BROX: variants seen among roughly 807,000 people sequenced by gnomAD.
BROX encodes the protein BRO1 domain-containing protein BROX.
In BROX, 53 loss-of-function variants were observed where a neutral mutation model predicts 61.0. That is an observed-to-expected ratio of 0.87 (90% CI 0.70 to 1.09). BROX has a LOEUF of 1.09. Ranked by LOEUF, BROX falls within the 50% of genes least tolerant of loss-of-function variation. The pLI is 0.00. For missense variants in BROX, 489 were observed against 472.0 expected (o/e 1.04, Z -0.33); for synonymous variants, 152 against 160.2 (o/e 0.95, Z 0.38).
chr1:222,730,512 T>C (rs1286528856), intron 11 of BROX, among the ~76,000 whole-genome samples: 1 of 152,088 alleles, frequency 6.6e-6, no homozygotes, highest in African/African-American at 2.4e-5. Flanking sequence ...GGGAGAATCA[T>C]CTGAAGCTGG....
intron 2 of BROX, among the ~76,000 whole-genome samples, chr1:222,718,627 T>C (rs929424408): frequency 1.3e-5 from 2 of 152,216 alleles, no homozygotes; most frequent in Admixed American, 6.5e-5. Flanking sequence ...ATTTTTATTA[T>C]GTAATTGAAT....
intron 10 of BROX, 96 bp downstream of exon 10, chr1:222,729,797 A>G (rs1657802663): frequency 3.2e-6 from 4 of 1,258,876 alleles, no homozygotes; most frequent in Non-Finnish European, 4.5e-6. Context: ...GGCTGAGTTC[A>G]TGAAAGGGAA....
intron 4 of BROX, among the ~76,000 whole-genome samples, chr1:222,721,717 AG>A (rs926701208): frequency 3.3e-5 from 5 of 152,202 alleles, no homozygotes; most frequent in African/African-American, 1.2e-4. Flanking sequence ...ACTTGTGTTC[AG>A]GACCTTTTTC....
chr1:222,724,110 A>C lies in BROX; in HGVS notation c.420A>C (p.Ala140=). ...AGKENITEDE[A]KEVHRSLKIA... is the part of the protein sequence containing the mutation. Reference sequence around the variant, plus strand: ...CTTTAAGTATAACAGAAGATGAAGCAAAAGAAGTTCATCGAAGCCTAAAGA... The same window carrying C: ...CTTTAAGTATAACAGAAGATGAAGCCAAAGAAGTTCATCGAAGCCTAAAGA... The change falls in exon 6 of 13, where the codon GCA becomes GCC. Residue 140 remains alanine, a synonymous_variant. Coordinates refer to ENST00000340934, the MANE Select transcript of BROX (RefSeq NM_144695.4). 3 of 1,610,940 alleles carry C rather than the reference A, an allele frequency of 1.9e-6. No homozygotes were observed. The highest frequency in any genetic ancestry group is 2.5e-6 in the Non-Finnish European group (3 of 1,178,684).
At chr1:222,732,086 T>C (rs1354725875) in intron 12 of BROX, among the ~76,000 whole-genome samples, 1 of 152,224 alleles carries the variant, frequency 6.6e-6, no homozygotes, top group African/African-American at 2.4e-5. Flanking sequence ...TTTATATAAT[T>C]TCCTTTCCAT....
intron 1 of BROX, among the ~76,000 whole-genome samples, chr1:222,714,558 TG>T (rs763053396): frequency 6.7e-6 from 1 of 148,886 alleles, no homozygotes; most frequent in Non-Finnish European, 1.5e-5. Flanking sequence ...CTCACTTAGG[TG>T]GTGTTCCAAG....
At chr1:222,714,209 CTT>C (rs397864188) in intron 1 of BROX, among the ~76,000 whole-genome samples, 26 of 126,802 alleles carry the variant, frequency 2.1e-4, no homozygotes, top group African/African-American at 5.1e-4. Context: ...AGACATGCTG[CTT>C]TTTTTTTTTT....
intron 4 of BROX, 87 bp from the exon 5 acceptor site, chr1:222,722,332 T>C (rs568879293): frequency 2.8e-6 from 3 of 1,077,818 alleles, no homozygotes; most frequent in East Asian, 2.5e-5. Flanking sequence ...TATACTTCTT[T>C]GTAATTTTGA....
chr1:222,724,087 TTAAG>T lies in BROX; in HGVS notation c.402-2_403del. On this transcript the variant is annotated splice_acceptor_variant and splice_polypyrimidine_tract_variant and intron_variant, in intron 5 of 12. Coordinates refer to ENST00000340934, the MANE Select transcript of BROX (RefSeq NM_144695.4). LOFTEE classifies it high-confidence loss of function. ...CCTCTAACTAATGTAACCCCTATCT[TTAAG>T]TATAACAGAAGATGAAGCAAAAGAA... 1.3e-6 allele frequency: 2 copies of T among 1,599,646 alleles called. No individual in the cohort carries two copies. The highest frequency in any genetic ancestry group is 2.2e-5 in the East Asian group (1 of 44,728).
chr1:222,731,448 A>C lies in BROX; in HGVS notation c.1081A>C (p.Thr361Pro), dbSNP rs771468629. The change falls in exon 12 of 13, where the codon ACA becomes CCA. Residue 361 changes from threonine (T) to proline (P), a missense_variant. Physicochemically the swap from Thr to Pro is conservative, Grantham distance 38. Transcript: ENST00000340934. ...GCCTATACCTTTCGAATTTCCTCCT[A>C]CAAGTGTTCAGTGGACACCAGAAAC... ...VEPIPFEFPPTSVQWTPETLA... is the reference protein window; with the variant it reads ...VEPIPFEFPPPSVQWTPETLA... 5.0e-6 allele frequency: 8 copies of C among 1,604,706 alleles called. No homozygotes were observed. In the African/African-American group the frequency reaches 5.4e-5, roughly 11 times the overall value.
At chr1:222,714,333 G>A (rs1200362234) in intron 1 of BROX, among the ~76,000 whole-genome samples, 1 of 149,632 alleles carries the variant, frequency 6.7e-6, no homozygotes, top group African/African-American at 2.5e-5. Flanking sequence ...CTCCCAAGTA[G>A]CTGGGACTAC....
chr1:222,718,940 C>T lies in BROX; in HGVS notation c.117C>T (p.Ser39=), dbSNP rs73124895. 6.2e-7 allele frequency: 1 copy of T among 1,613,598 alleles called. No homozygotes were observed. The highest frequency in any genetic ancestry group is 2.2e-5 in the East Asian group (1 of 44,836). Residue 39 remains serine (S), a synonymous_variant, in exon 3 of 13, where the codon TCC becomes TCT. Transcript: ENST00000340934. ...ASKICNDLRS[S]RARLLELFTD... is the part of the protein sequence containing the mutation. ...CTCTTATAAGTGACTTGAGGTCATC[C>T]AGGGCACGACTCCTTGAACTGTTCA...
At position 222,732,619 on chromosome 1, in the gene BROX, T is replaced by C. The variant is rs1217362920; in HGVS notation, c.1150-9T>C. The C allele has an allele frequency of 1.2e-6, 2 of 1,602,644 alleles. No individual in the cohort carries two copies. Among genetic ancestry groups the C allele is most frequent in the Non-Finnish European group, 8.5e-7 (1 of 1,174,516 alleles). The stretch of plus-strand genomic sequence containing the variant: ...TTATGTACTTAAACTGTGGTTTTTT[T>C]CTCCCTAGACTAAACCCAAACCAGA... On this transcript the variant is annotated splice_polypyrimidine_tract_variant and intron_variant, in intron 12 of 12. Coordinates refer to ENST00000340934, the MANE Select transcript of BROX (RefSeq NM_144695.4).
At chr1:222,719,561 T>A (rs181656218) in intron 4 of BROX, among the ~76,000 whole-genome samples, 1 of 152,346 alleles carries the variant, frequency 6.6e-6, no homozygotes, top group Admixed American at 6.5e-5. Context: ...CCAAATCTAT[T>A]TTTGAGGTAA....
At chr1:222,720,082 G>A (rs969353557) in intron 4 of BROX, among the ~76,000 whole-genome samples, 2 of 152,154 alleles carry the variant, frequency 1.3e-5, no homozygotes, top group Admixed American at 1.3e-4. Context: ...ACAACGAAAA[G>A]AGTATGAACA....
intron 4 of BROX, among the ~76,000 whole-genome samples, chr1:222,719,916 A>G (rs1656939324): frequency 1.3e-5 from 2 of 152,300 alleles, no homozygotes; most frequent in South Asian, 2.1e-4. Context: ...ACAGATCACA[A>G]TGGTGTTAAT....
At chr1:222,713,640 A>G in intron 1 of BROX, 1 of 161,542 alleles carries the variant, frequency 6.2e-6, no homozygotes, top group Non-Finnish European at 1.3e-5. Context: ...AAGATGGGGC[A>G]GGGGCAGAAA....
At chr1:222,713,429 G>A (rs539707769) in intron 1 of BROX, 1 of 985,662 alleles carries the variant, frequency 1.0e-6, no homozygotes, top group East Asian at 1.1e-4. Flanking sequence ...AGGTTCCTCT[G>A]GGGACTCGGG....
rs373931794 is a variant in BROX at position 222,732,735 on chromosome 1, T to G, written c.*21T>G. On this transcript the variant is annotated 3_prime_UTR_variant, in exon 13 of 13. Coordinates refer to ENST00000340934, the MANE Select transcript of BROX (RefSeq NM_144695.4). ...CCTAAAATACAACTTGCACTTAGAA[T>G]TTCTCTAGCAGTAAATAAGATAAAC... The G allele has an allele frequency of 3.2e-6, 5 of 1,562,120 alleles. No homozygotes were observed. The African/African-American group carries it at 6.8e-5, about 21-fold the overall frequency.
Sources: allele counts gnomAD v4.1 joint callset (sites outside exome capture counted in the v4.1 genomes callset), GRCh38; gene constraint gnomAD v4.1.1; transcripts MANE v1.5; gene names NCBI Gene and HGNC (gene_info 2026-07-23, HGNC 2026-07-21).